Variants in CASS4 observed in about 807,000 individuals in gnomAD.
The protein encoded by CASS4 is cas scaffolding protein family member 4.
CASS4 carries 22 observed loss-of-function variants against 54.2 expected under a neutral mutation model. The ratio of observed to expected loss-of-function variants is 0.41; its 90% CI spans 0.29 to 0.58. The LOEUF is 0.58. CASS4 is among the 20% of genes least tolerant of loss of function. The pLI, the probability that CASS4 is intolerant of heterozygous loss-of-function variation, is 0.36. For missense variants in CASS4, 854 were observed against 986.7 expected (o/e 0.87, Z 1.80); for synonymous variants, 409 against 391.5 (o/e 1.04, Z -0.53).
intron 2 of CASS4, among the ~76,000 whole-genome samples, chr20:56,444,126 T>C (rs552273054): frequency 1.1e-3 from 171 of 152,272 alleles, no homozygotes; most frequent in African/African-American, 4.1e-3. Context: ...ATTTTTACAC[T>C]GTGTGCTAAT....
At chr20:56,419,068 G>T (rs1979287987) in intron 1 of CASS4, among the ~76,000 whole-genome samples, 1 of 152,148 alleles carries the variant, frequency 6.6e-6, no homozygotes, top group East Asian at 1.9e-4. Flanking sequence ...AGAATAGACA[G>T]GCATTGGCCG....
chr20:56,456,924 G>A (rs150073164), intron 5 of CASS4, among the ~76,000 whole-genome samples: 1,707 of 152,010 alleles, frequency 0.011, 49 homozygotes, highest in Non-Finnish European at 1.0e-2. Context: ...AGGGTTAAGC[G>A]ATCCTCCTGC....
chr20:56,437,509 G>A lies in CASS4; in HGVS notation c.382G>A (p.Ala128Thr). The part of the protein sequence containing the change: ...SWAEGPQPPT[A>T]QVYEFPDPPT... Reference sequence around the variant, plus strand: ...GGCGGAGGGGCCCCAGCCCCCTACTGCCCAAGTCTATGAATTCCCCGACCC... The same window carrying A: ...GGCGGAGGGGCCCCAGCCCCCTACTACCCAAGTCTATGAATTCCCCGACCC... The change falls in exon 2 of 6, where the codon GCC (alanine) becomes ACC (threonine). Residue 128 changes from alanine (A) to threonine (T), a missense_variant. Coordinates refer to ENST00000679887, the MANE Select transcript of CASS4 (RefSeq NM_020356.4). This position sits in a 1 kb window ranked among gnomAD's most constrained non-coding sequence, Gnocchi z 4.7. 6.3e-7 allele frequency: 1 copy of A among 1,594,018 alleles called. No homozygotes were observed. The highest frequency in any genetic ancestry group is 2.2e-5 in the East Asian group (1 of 44,620).
chr20:56,431,825 T>TA (rs2146275238), intron 1 of CASS4, among the ~76,000 whole-genome samples: 1 of 152,362 alleles, frequency 6.6e-6, no homozygotes, highest in South Asian at 2.1e-4. Flanking sequence ...GATCGGTTTT[T>TA]AAAGATTGCT....
At position 56,458,516 on chromosome 20, in the gene CASS4, C is replaced by T. The variant is rs1260328990; in HGVS notation, c.2130C>T (p.Ile710=). 6.2e-7 allele frequency: 1 copy of T among 1,614,054 alleles called. No individual in the cohort carries two copies. The highest frequency in any genetic ancestry group is 1.3e-5 in the African/African-American group (1 of 74,922). Residue 710 remains isoleucine (I), a synonymous_variant, in exon 6 of 6, where the codon ATC becomes ATT. Coordinates refer to ENST00000679887, the MANE Select transcript of CASS4 (RefSeq NM_020356.4). The part of the protein sequence containing the change: ...AEIITQSKLV[I]MVGQKLVDTL... ...TCATCACTCAGAGCAAGCTGGTCAT[C>T]ATGGTGGGACAGAAGCTGGTGGACA...
intron 5 of CASS4, among the ~76,000 whole-genome samples, chr20:56,457,500 A>G (rs1174217662): frequency 6.6e-6 from 1 of 152,174 alleles, no homozygotes; most frequent in African/African-American, 2.4e-5. Flanking sequence ...TTTTGATGAA[A>G]CCTTATTAGC....
intron 1 of CASS4, among the ~76,000 whole-genome samples, chr20:56,428,866 C>T (rs1979766406): frequency 6.6e-6 from 1 of 152,218 alleles, no homozygotes; most frequent in African/African-American, 2.4e-5. Context: ...CTCTCCTAGT[C>T]TTAGGTGCCA....
chr20:56,443,105 C>T (rs1455978425), intron 2 of CASS4, among the ~76,000 whole-genome samples: 2 of 133,574 alleles, frequency 1.5e-5, no homozygotes, highest in East Asian at 1.9e-4. Context: ...GGAGGTACCA[C>T]TGGCGGTACA....
chr20:56,416,038 A>C (rs903823592), intron 1 of CASS4, among the ~76,000 whole-genome samples: 5 of 152,198 alleles, frequency 3.3e-5, no homozygotes, highest in Admixed American at 6.5e-5. Flanking sequence ...TTCAAGAAAT[A>C]CTAGAAATTT....
chr20:56,419,957 C>T (rs1329228640), intron 1 of CASS4, among the ~76,000 whole-genome samples: 2 of 152,114 alleles, frequency 1.3e-5, no homozygotes, highest in African/African-American at 2.4e-5. Context: ...GCAGGAGAAT[C>T]GCTTGAACCC....
chr20:56,435,569 T>G (rs1347004728), intron 1 of CASS4, among the ~76,000 whole-genome samples: 1 of 152,134 alleles, frequency 6.6e-6, no homozygotes, highest in African/African-American at 2.4e-5. Flanking sequence ...CAGTGGAAAG[T>G]TCAAATAAGA....
In CASS4 at chr20:56,445,986, C is replaced by G; in HGVS notation, c.546C>G (p.Gly182=). Residue 182 remains glycine (G), a synonymous_variant, in exon 3 of 6, where the codon GGC becomes GGG. Coordinates refer to ENST00000679887, the MANE Select transcript of CASS4 (RefSeq NM_020356.4). The part of the protein sequence containing the change: ...QVYDVPTQHR[G]PVVLKEPEKQ... ...ATGACGTGCCTACCCAGCACCGGGG[C>G]CCCGTGGTCCTGAAGGTGAGCCTTG... The G allele has an allele frequency of 4.3e-6, 7 of 1,613,178 alleles. No individual in the cohort carries two copies. Among genetic ancestry groups the G allele is most frequent in the Non-Finnish European group, 5.9e-6 (7 of 1,179,544 alleles).
At position 56,452,526 on chromosome 20, in the gene CASS4, G is replaced by A. The variant is rs1981078249; in HGVS notation, c.1350G>A (p.Lys450=). Residue 450 remains lysine, a synonymous_variant, in exon 5 of 6, where the codon AAG becomes AAA. Coordinates refer to ENST00000679887, the MANE Select transcript of CASS4 (RefSeq NM_020356.4). ...AGACAGTGATGGCTCTGCAGCACAA[G>A]GTGGTCAGCTCTGTCGCTGGCCTGA... is the stretch of plus-strand genomic sequence containing the variant. ...AKETVMALQH[K]VVSSVAGLML... 1.2e-6 allele frequency: 2 copies of A among 1,614,098 alleles called. No homozygotes were observed. The highest frequency in any genetic ancestry group is 1.7e-6 in the Non-Finnish European group (2 of 1,179,970).
At chr20:56,433,599 GT>G in intron 1 of CASS4, among the ~76,000 whole-genome samples, 1 of 152,308 alleles carries the variant, frequency 6.6e-6, no homozygotes, top group Non-Finnish European at 1.5e-5. Context: ...TTCCATAAAT[GT>G]TTGCTGAATC....
At chr20:56,447,768 C>A (rs931879958) in intron 3 of CASS4, among the ~76,000 whole-genome samples, 1 of 152,232 alleles carries the variant, frequency 6.6e-6, no homozygotes, top group African/African-American at 2.4e-5. Context: ...CTTGTGTGAG[C>A]CATGCCTGGT....
intron 2 of CASS4, among the ~76,000 whole-genome samples, chr20:56,440,673 G>T (rs1186860873): frequency 1.3e-5 from 2 of 152,240 alleles, no homozygotes; most frequent in Non-Finnish European, 2.9e-5. Flanking sequence ...CGTGTGAAAG[G>T]AAAGATGAGT....
At chr20:56,431,424 T>C (rs1569143243) in intron 1 of CASS4, among the ~76,000 whole-genome samples, 2 of 152,224 alleles carry the variant, frequency 1.3e-5, no homozygotes, top group East Asian at 1.9e-4. Context: ...CCCCTGTCAA[T>C]TGTAATGAAA....
rs145141331 is a variant in CASS4 at position 56,446,843 on chromosome 20, T to C, written c.561+842T>C. Among the ~76,000 whole-genome samples, 349 of 152,240 alleles carry C rather than the reference T, an allele frequency of 2.3e-3. 1 individual carries two copies. Among genetic ancestry groups the C allele is most frequent in the African/African-American group, 7.8e-3 (324 of 41,536 alleles). ...AGGTGATTGTACTGAGCAGCCAGGATTGAGAACCACAGTTCCAGTCTAAAT... is the reference window on the plus strand; with the variant it reads ...AGGTGATTGTACTGAGCAGCCAGGACTGAGAACCACAGTTCCAGTCTAAAT... On this transcript the variant is annotated intron_variant, in intron 3 of 5. Transcript: ENST00000679887.
intron 1 of CASS4, among the ~76,000 whole-genome samples, chr20:56,435,215 A>G (rs1441125909): frequency 3.9e-5 from 6 of 152,242 alleles, no homozygotes; most frequent in Admixed American, 1.3e-4. Context: ...TTGGTCTTCC[A>G]ATTCCATTTT....
Sources: allele counts gnomAD v4.1 joint callset (sites outside exome capture counted in the v4.1 genomes callset), GRCh38; gene constraint gnomAD v4.1.1; non-coding constraint Gnocchi (gnomAD v3.1); transcripts MANE v1.5; gene names NCBI Gene and HGNC (gene_info 2026-07-23, HGNC 2026-07-21).